XRN1: variants seen among roughly 807,000 people sequenced by gnomAD.
The protein encoded by XRN1 is 5'-3' exoribonuclease 1, also known as strand-exchange protein 1 homolog.
XRN1 carries 67 observed loss-of-function variants against 222.3 expected under a neutral mutation model. That is an observed-to-expected ratio of 0.30 (90% confidence interval 0.25 to 0.37). The LOEUF is 0.37. Ranked by LOEUF, XRN1 falls within the 10% of genes least tolerant of loss-of-function variation. The pLI, the probability that XRN1 is intolerant of heterozygous loss-of-function variation, is 1.00. For synonymous variants in XRN1, 643 were observed against 652.4 expected, an observed-to-expected ratio of 0.99 and a Z score of 0.22; for missense variants, 1,707 against 2,000.2, an observed-to-expected ratio of 0.85 and a Z score of 2.80.
Position 142,375,931 on chromosome 3 carries a change from G to A in XRN1, c.2845C>T (p.His949Tyr). 1 of 1,611,762 alleles carries A rather than the reference G, an allele frequency of 6.2e-7. No individual in the cohort carries two copies. Among genetic ancestry groups the A allele is most frequent in the Non-Finnish European group, 8.5e-7 (1 of 1,179,098 alleles). The change falls in exon 25 of 41, where the codon CAT becomes TAT. Residue 949 changes from histidine (H) to tyrosine (Y), a missense_variant. Transcript: ENST00000392981. ...RGSRRNPHGD[H>Y]KANVGLNLKF... ...AGATTTAAACCCACATTTGCTTTAT[G>A]GTCTCCATGAGGGCTGAATTTAAAC...
At chr3:142,314,132 A>G (rs2065146348) in intron 39 of XRN1, among the ~76,000 whole-genome samples, 1 of 152,206 alleles carries the variant, frequency 6.6e-6, no homozygotes, top group African/African-American at 2.4e-5. Flanking sequence ...ATTTTTTTAT[A>G]CCATAAAATA....
chr3:142,368,109 T>C (rs1194098310), intron 27 of XRN1, among the ~76,000 whole-genome samples: 1 of 150,618 alleles, frequency 6.6e-6, no homozygotes, highest in Non-Finnish European at 1.5e-5. Flanking sequence ...TATAAATATG[T>C]ATTTATATAA....
At chr3:142,334,401 T>A (rs7620711) in intron 34 of XRN1, among the ~76,000 whole-genome samples, 1 of 151,918 alleles carries the variant, frequency 6.6e-6, no homozygotes, top group Non-Finnish European at 1.5e-5. Flanking sequence ...TATTAAAATA[T>A]GATAGGCATA....
intron 33 of XRN1, 146 bp downstream of exon 33, chr3:142,347,088 A>G: frequency 1.6e-6 from 1 of 614,038 alleles, no homozygotes; most frequent in Non-Finnish European, 2.7e-6. Context: ...TTGGTTATAC[A>G]ATTTTGTGAA....
At chr3:142,436,552 A>G (rs1331040855) in intron 1 of XRN1, among the ~76,000 whole-genome samples, 1 of 152,212 alleles carries the variant, frequency 6.6e-6, no homozygotes, top group Non-Finnish European at 1.5e-5. Flanking sequence ...TCTACTATTG[A>G]AAATTTATCC....
rs371208116 is a variant in XRN1, at chr3:142,421,927, T to C, written c.968-384A>G. ...TATGTTTGTCAATTTTCTGTTTTCA[T>C]TGAAAAATCACTGCTTCATAATAAA... On this transcript the variant is annotated intron_variant, in intron 8 of 40. Transcript: ENST00000392981. 2.7e-4 allele frequency among the ~76,000 whole-genome samples: 41 copies of C among 152,242 alleles called. 1 individual carries two copies. The highest frequency in any genetic ancestry group is 7.5e-4 in the African/African-American group (31 of 41,564).
At chr3:142,354,235 G>A (rs1051427628) in intron 32 of XRN1, among the ~76,000 whole-genome samples, 3 of 152,038 alleles carry the variant, frequency 2.0e-5, no homozygotes, top group African/African-American at 4.8e-5. Flanking sequence ...ACCACAAGAC[G>A]ATACCATCTC....
chr3:142,317,427 C>T (rs568511827), intron 39 of XRN1, among the ~76,000 whole-genome samples: 4 of 152,138 alleles, frequency 2.6e-5, no homozygotes, highest in African/African-American at 9.6e-5. Context: ...ACAATTTTAC[C>T]TGTACTCTAT....
chr3:142,411,512 T>C (rs1319037939), intron 15 of XRN1, among the ~76,000 whole-genome samples: 1 of 152,098 alleles, frequency 6.6e-6, no homozygotes, highest in African/African-American at 2.4e-5. Context: ...ATACTGACCA[T>C]GGATCCCTTT....
chr3:142,319,570 G>A (rs934489753), intron 37 of XRN1, among the ~76,000 whole-genome samples: 3 of 151,900 alleles, frequency 2.0e-5, no homozygotes, highest in Non-Finnish European at 2.9e-5. Flanking sequence ...TAGTTACATG[G>A]ATATACTACA....
At chr3:142,327,777 A>C (rs2065562144) in intron 37 of XRN1, among the ~76,000 whole-genome samples, 1 of 152,158 alleles carries the variant, frequency 6.6e-6, no homozygotes, top group African/African-American at 2.4e-5. Context: ...CATCACCTGA[A>C]TTATGTACAC....
intron 30 of XRN1, among the ~76,000 whole-genome samples, chr3:142,359,258 T>C (rs1455049264): frequency 6.6e-6 from 1 of 152,194 alleles, no homozygotes; most frequent in Non-Finnish European, 1.5e-5. Flanking sequence ...TCTCCTTTCC[T>C]TTATAGTCAA....
intron 37 of XRN1, among the ~76,000 whole-genome samples, chr3:142,319,343 AT>A (rs1202492820): frequency 6.6e-6 from 1 of 152,046 alleles, no homozygotes. Flanking sequence ...CACAGAAAAA[AT>A]TTGCTGACTC....
rs1553745772 is a variant in XRN1, at chr3:142,436,082, A to AAATT, written c.76-3190_76-3189insAATT. On this transcript the variant is annotated intron_variant, in intron 1 of 40. Coordinates refer to ENST00000392981, the MANE Select transcript of XRN1 (RefSeq NM_001282857.2). ...CTCAAAAAAAAAAAAAAAAAAAAAA[A>AAATT]TTTAAAGCAATCACAGAAAATGGAA... 3.4e-3 allele frequency: 402 copies of AAATT among 118,446 alleles called. 5 individuals carry two copies. Among genetic ancestry groups the AAATT allele is most frequent in the African/African-American group, 0.014 (392 of 27,952 alleles). The allele number at this position is 118,446 out of a possible 1,614,324, so 7.3% of individuals were successfully genotyped here. A position where few individuals can be genotyped will look rare whatever the true frequency, so the allele number is the denominator to read the frequency against.
intron 20 of XRN1, among the ~76,000 whole-genome samples, chr3:142,393,985 C>G (rs2067834216): frequency 6.6e-6 from 1 of 152,068 alleles, no homozygotes; most frequent in East Asian, 1.9e-4. Flanking sequence ...CGCTGCCATG[C>G]CCAGCTAATT....
rs768656503 is a variant in XRN1 at position 142,365,032 on chromosome 3, G to C, written c.3394+15C>G. 1.2e-6 allele frequency: 2 copies of C among 1,609,816 alleles called. No individual in the cohort carries two copies. Among genetic ancestry groups the C allele is most frequent in the Non-Finnish European group, 1.7e-6 (2 of 1,178,530 alleles). ...ATAAATTACGTTGAAGACATTTCAAGTATTAGGATATTACCTCCTTTTATT... is the reference window on the plus strand; with the variant it reads ...ATAAATTACGTTGAAGACATTTCAACTATTAGGATATTACCTCCTTTTATT... On this transcript the variant is annotated intron_variant, in intron 29 of 40. Transcript: ENST00000392981.
At position 142,333,022 on chromosome 3, in the gene XRN1, G is replaced by A. The variant is rs1373616509; in HGVS notation, c.4007C>T (p.Ser1336Phe). 2.5e-6 allele frequency: 4 copies of A among 1,613,818 alleles called. No individual in the cohort carries two copies. The Admixed American group carries it at 6.7e-5, about 27-fold the overall frequency. ...TTCACTTGGAGGCTCCCCATGATGA[G>A]ATGACTGTACTTCATTTTCTTTGGA... ...NISKENEVQS[S>F]HHGEPPSEEH... The change falls in exon 35 of 41, where the codon TCT becomes TTT. Residue 1336 changes from serine (S) to phenylalanine (F), a missense_variant. Coordinates refer to ENST00000392981, the MANE Select transcript of XRN1 (RefSeq NM_001282857.2).
rs141132720 is a variant in XRN1, at chr3:142,321,088, G to A, written c.4405-2185C>T. On this transcript the variant is annotated intron_variant, in intron 37 of 40. Coordinates refer to ENST00000392981, the MANE Select transcript of XRN1 (RefSeq NM_001282857.2). ...ATCCAGTTACCCAGCACCATTTGCTGAAAGATCATCCACTTCCTTTTTTTT... is the reference window on the plus strand; with the variant it reads ...ATCCAGTTACCCAGCACCATTTGCTAAAAGATCATCCACTTCCTTTTTTTT... 1.8e-3 allele frequency among the ~76,000 whole-genome samples: 263 copies of A among 144,774 alleles called. 2 individuals are homozygous for A. Among genetic ancestry groups the A allele is most frequent in the Non-Finnish European group, 3.1e-3 (208 of 66,364 alleles). The allele number at this position is 144,774 out of a possible 152,430, so 95.0% of individuals were successfully genotyped here. A position where few individuals can be genotyped will look rare whatever the true frequency, so the allele number is the denominator to read the frequency against.
intron 35 of XRN1, 23 bp from the exon 36 acceptor site, chr3:142,332,557 G>A (rs1238197280): frequency 1.3e-6 from 2 of 1,591,814 alleles, no homozygotes; most frequent in East Asian, 4.5e-5. Flanking sequence ...GATTCACATG[G>A]AGATGGTGAG....
Sources: gnomAD v4.1 joint callset for allele counts (sites outside exome capture counted in the v4.1 genomes callset) on GRCh38, gnomAD v4.1.1 for gene constraint, MANE v1.5 for transcripts, NCBI Gene and HGNC (gene_info 2026-07-23, HGNC 2026-07-21) for gene names.